Variants in MAP3K5 observed in about 807,000 individuals in gnomAD.
The protein encoded by MAP3K5 is mitogen-activated protein kinase kinase kinase 5, also known as ASK-1.
Under a neutral mutation model 158.7 loss-of-function variants are expected in MAP3K5, and 56 were observed. The observed-to-expected ratio is 0.35, with a 90% CI of 0.28 to 0.44. The LOEUF is 0.44. Ranked by LOEUF, MAP3K5 falls within the 20% of genes least tolerant of loss-of-function variation. The pLI, the probability that MAP3K5 is intolerant of heterozygous loss-of-function variation, is 1.00. For missense variants in MAP3K5, 1,294 were observed against 1,674.8 expected (o/e 0.77, Z 3.97); for synonymous variants, 579 against 601.7 (o/e 0.96, Z 0.55).
chr6:136,622,827 T>C (rs780562441), intron 15 of MAP3K5, 21 bp downstream of exon 15: 14 of 1,609,392 alleles, frequency 8.7e-6, no homozygotes, highest in Non-Finnish European at 1.7e-6. Flanking sequence ...GAACAGCTTT[T>C]AGTAGCTACA....
At position 136,609,720 on chromosome 6, in the gene MAP3K5, G is replaced by A. The variant is rs942825300; in HGVS notation, c.2521+1562C>T. Among the ~76,000 whole-genome samples, 1 of 151,908 alleles carries A rather than the reference G, an allele frequency of 6.6e-6. No individual in the cohort carries two copies. The highest frequency in any genetic ancestry group is 1.9e-4 in the East Asian group (1 of 5,160). On this transcript the variant is annotated intron_variant, in intron 18 of 29. Transcript: ENST00000359015. The surrounding 1 kb of genome is among the most constrained non-coding windows in gnomAD (Gnocchi z 4.4). ...GAGGTAGGAGAATCACTTGAGCCCG[G>A]GGTAGGGGAGGTCACAGTGAGCAGA...
At chr6:136,585,857 ATTTAAC>A (rs935881279) in intron 23 of MAP3K5, among the ~76,000 whole-genome samples, 10 of 152,322 alleles carry the variant, frequency 6.6e-5, no homozygotes, top group Admixed American at 5.9e-4. Flanking sequence ...ATTTGTTCCC[ATTTAAC>A]TTTAAGAAAA....
At chr6:136,571,126 A>C (rs1311705889) in intron 25 of MAP3K5, among the ~76,000 whole-genome samples, 1 of 152,126 alleles carries the variant, frequency 6.6e-6, no homozygotes, top group Non-Finnish European at 1.5e-5. Context: ...ACCAATCAGC[A>C]TGCACCCCCC....
intron 24 of MAP3K5, among the ~76,000 whole-genome samples, chr6:136,581,768 G>T (rs1583216463): frequency 6.6e-6 from 1 of 152,110 alleles, no homozygotes; most frequent in African/African-American, 2.4e-5. Context: ...GTTTGTCCTG[G>T]TACCTTCATT....
At chr6:136,625,625 T>C (rs944011530) in intron 14 of MAP3K5, among the ~76,000 whole-genome samples, 2 of 152,244 alleles carry the variant, frequency 1.3e-5, no homozygotes, top group African/African-American at 2.4e-5. Flanking sequence ...ATACTCATAA[T>C]TGCTCTTGAG....
In MAP3K5 at chr6:136,752,570, C is replaced by T. The variant is rs559776808; in HGVS notation, c.449-31981G>A. Among the ~76,000 whole-genome samples, 10 of 152,334 alleles carry T rather than the reference C, an allele frequency of 6.6e-5. No individual in the cohort carries two copies. The East Asian group carries it at 1.4e-3, about 21-fold the overall frequency. On this transcript the variant is annotated intron_variant, in intron 1 of 29. Coordinates refer to ENST00000359015, the MANE Select transcript of MAP3K5 (RefSeq NM_005923.4). ...GGGATTACAGGCGCGTGCCACCACA[C>T]CCAGCTCATTTTTGTATTTTTAGTA...
intron 1 of MAP3K5, among the ~76,000 whole-genome samples, chr6:136,724,789 T>C (rs1395288426): frequency 6.6e-6 from 1 of 152,188 alleles, no homozygotes; most frequent in Admixed American, 6.5e-5. Context: ...TACTTTTTAA[T>C]TGTCATAGAG....
chr6:136,708,663 G>A (rs1781178449), intron 2 of MAP3K5, among the ~76,000 whole-genome samples: 1 of 152,158 alleles, frequency 6.6e-6, no homozygotes, highest in African/African-American at 2.4e-5. Context: ...TGGAAATCAA[G>A]GGACAGATGA....
intron 3 of MAP3K5, among the ~76,000 whole-genome samples, chr6:136,704,525 T>C (rs1320814313): frequency 4.6e-5 from 7 of 152,146 alleles, no homozygotes; most frequent in African/African-American, 1.4e-4. Flanking sequence ...CAACATTGAA[T>C]ACACTATAAA....
At chr6:136,760,536 C>G (rs941189816) in intron 1 of MAP3K5, among the ~76,000 whole-genome samples, 9 of 152,170 alleles carry the variant, frequency 5.9e-5, no homozygotes, top group African/African-American at 2.2e-4. Context: ...ATAAATACTA[C>G]TAAGGTCTCA....
intron 23 of MAP3K5, 88 bp downstream of exon 23, chr6:136,592,085 T>C: frequency 7.7e-7 from 1 of 1,292,012 alleles, no homozygotes; most frequent in Non-Finnish European, 1.1e-6. Flanking sequence ...CCTCTTGCCT[T>C]TCACATCATC....
intron 7 of MAP3K5, among the ~76,000 whole-genome samples, chr6:136,692,217 T>C (rs528886280): frequency 1.3e-5 from 2 of 152,232 alleles, no homozygotes; most frequent in African/African-American, 4.8e-5. Context: ...TGCTTAGTAA[T>C]TTTTATGGTG....
intron 27 of MAP3K5, 101 bp from the exon 28 acceptor site, chr6:136,561,746 G>T: frequency 1.5e-6 from 1 of 678,042 alleles, no homozygotes; most frequent in African/African-American, 1.8e-5. Context: ...AAAAGATTTT[G>T]CTCTATCAGA....
In MAP3K5 at chr6:136,706,207, G is replaced by A. The variant is rs369594565; in HGVS notation, c.589-1074C>T. On this transcript the variant is annotated intron_variant, in intron 2 of 29. Transcript: ENST00000359015. ...CTTGAATCCAAGAGGCGGAGGCTGC[G>A]GCGAGCTGAGATCGCACCACTGCAC... 1.6e-4 allele frequency among the ~76,000 whole-genome samples: 25 copies of A among 152,110 alleles called. 1 individual carries two copies. The highest frequency in any genetic ancestry group is 1.2e-3 in the Admixed American group (18 of 15,284).
chr6:136,583,178 T>C (rs1774964112), intron 24 of MAP3K5, among the ~76,000 whole-genome samples: 1 of 152,260 alleles, frequency 6.6e-6, no homozygotes, highest in Admixed American at 6.5e-5. Flanking sequence ...TATTAAATTT[T>C]TCTCAATGGC....
chr6:136,579,705 T>C (rs1047124146), intron 25 of MAP3K5: 1 of 407,504 alleles, frequency 2.5e-6, no homozygotes, highest in Non-Finnish European at 4.9e-6. Flanking sequence ...ACCTTGATAA[T>C]GGAGGAGGCT....
At chr6:136,772,863 A>T (rs1010273047) in intron 1 of MAP3K5, among the ~76,000 whole-genome samples, 1 of 152,202 alleles carries the variant, frequency 6.6e-6, no homozygotes, top group African/African-American at 2.4e-5. Flanking sequence ...AGCCTGTGAA[A>T]TCTGGCCATT....
At chr6:136,682,759 T>C (rs1475375676) in intron 7 of MAP3K5, among the ~76,000 whole-genome samples, 1 of 152,172 alleles carries the variant, frequency 6.6e-6, no homozygotes. Flanking sequence ...TATCTTCCCT[T>C]AAGAATGAGA....
chr6:136,713,015 A>G (rs1240161129), intron 2 of MAP3K5, among the ~76,000 whole-genome samples: 1 of 152,230 alleles, frequency 6.6e-6, no homozygotes, highest in Non-Finnish European at 1.5e-5. Context: ...ATGAAAATGA[A>G]CTAATACACA....
Sources: allele counts gnomAD v4.1 joint callset (sites outside exome capture counted in the v4.1 genomes callset), GRCh38; gene constraint gnomAD v4.1.1; non-coding constraint Gnocchi (gnomAD v3.1); transcripts MANE v1.5; gene names NCBI Gene and HGNC (gene_info 2026-07-23, HGNC 2026-07-21).